The following TACR3 variants were observed in gnomAD, a reference collection of about 807,000 sequenced individuals.
TACR3 encodes the protein tachykinin receptor 3.
A neutral mutation model predicts 35.0 loss-of-function variants in TACR3; 34 were observed. That is an observed-to-expected ratio of 0.97 (90% CI 0.74 to 1.30). TACR3 has a LOEUF of 1.30. TACR3 is among the 50% of genes most tolerant of loss of function. The pLI, the probability that TACR3 is intolerant of heterozygous loss-of-function variation, is 0.00. For synonymous variants in TACR3, 233 were observed against 221.1 expected, an observed-to-expected ratio of 1.05 and a Z score of -0.48; for missense variants, 558 against 591.7, an observed-to-expected ratio of 0.94 and a Z score of 0.59.
At chr4:103,609,201 T>C (rs1459721031) in intron 3 of TACR3, among the ~76,000 whole-genome samples, 1 of 152,122 alleles carries the variant, frequency 6.6e-6, no homozygotes, top group Non-Finnish European at 1.5e-5. Context: ...TAGAAAAAGA[T>C]AGATATTTGT....
At chr4:103,649,189 C>T (rs1160041648) in intron 3 of TACR3, among the ~76,000 whole-genome samples, 1 of 151,988 alleles carries the variant, frequency 6.6e-6, no homozygotes, top group Non-Finnish European at 1.5e-5. Flanking sequence ...GTTATTAACT[C>T]CTTGTCAGAT....
intron 1 of TACR3, among the ~76,000 whole-genome samples, chr4:103,705,417 C>T (rs1033681871): frequency 6.6e-6 from 1 of 151,940 alleles, no homozygotes; most frequent in Non-Finnish European, 1.5e-5. Context: ...AGAGTGCATC[C>T]TTACTATGTT....
At chr4:103,684,302 A>G (rs560719045) in intron 1 of TACR3, among the ~76,000 whole-genome samples, 1 of 152,166 alleles carries the variant, frequency 6.6e-6, no homozygotes, top group Non-Finnish European at 1.5e-5. Context: ...AAGATTGTCT[A>G]TGTAGATGAT....
intron 3 of TACR3, among the ~76,000 whole-genome samples, chr4:103,627,053 G>A (rs979587939): frequency 1.3e-5 from 2 of 150,928 alleles, no homozygotes; most frequent in South Asian, 2.1e-4. Flanking sequence ...GTGGTGGCAG[G>A]CACCTGTAGT....
intron 3 of TACR3, among the ~76,000 whole-genome samples, chr4:103,635,310 G>A (rs1725161589): frequency 1.3e-5 from 2 of 151,762 alleles, no homozygotes; most frequent in African/African-American, 2.4e-5. Context: ...GGAATGAGGT[G>A]GAACAATGAC....
At chr4:103,633,594 A>G (rs1376435782) in intron 3 of TACR3, among the ~76,000 whole-genome samples, 3 of 151,962 alleles carry the variant, frequency 2.0e-5, no homozygotes, top group Non-Finnish European at 4.4e-5. Flanking sequence ...CCCAAAGTCC[A>G]CTGTACCATT....
intron 3 of TACR3, among the ~76,000 whole-genome samples, chr4:103,631,265 A>G (rs1052163188): frequency 1.3e-5 from 2 of 152,218 alleles, no homozygotes; most frequent in East Asian, 1.9e-4. Flanking sequence ...AACATGATAC[A>G]TGTATACCTG....
chr4:103,615,087 A>G (rs1040389540), intron 3 of TACR3, among the ~76,000 whole-genome samples: 1 of 151,514 alleles, frequency 6.6e-6, no homozygotes, highest in Non-Finnish European at 1.5e-5. Context: ...TAGTAGAGAC[A>G]GGGTTTCACT....
Position 103,631,092 on chromosome 4 carries a change from C to T in TACR3, c.888+25102G>A, listed in dbSNP as rs546730254. Reference sequence around the variant, plus strand: ...TATCACAAGGACCAAAAACCAAACACGGCATGTTCTCACTCATAGGTGGGA... The same window carrying T: ...TATCACAAGGACCAAAAACCAAACATGGCATGTTCTCACTCATAGGTGGGA... On this transcript the variant is annotated intron_variant, in intron 3 of 4. Coordinates refer to ENST00000304883, the MANE Select transcript of TACR3 (RefSeq NM_001059.3). Among the ~76,000 whole-genome samples, 11 of 152,210 alleles carry T rather than the reference C, an allele frequency of 7.2e-5. No individual in the cohort carries two copies. In the South Asian group the frequency reaches 2.1e-3, roughly 29 times the overall value.
chr4:103,710,746 A>T (rs1722928177), intron 1 of TACR3, among the ~76,000 whole-genome samples: 1 of 152,200 alleles, frequency 6.6e-6, no homozygotes, highest in African/African-American at 2.4e-5. Flanking sequence ...GACTGCTAGC[A>T]AGACTAATAA....
rs547559622 is a variant in TACR3, at chr4:103,588,411, A to C, written c.*1271T>G. Reference sequence around the variant, plus strand: ...GGCCTGGATGTTACTTTTTACACTTAAAAGTATTTCTTGTTATGTTATGAG... The same window carrying C: ...GGCCTGGATGTTACTTTTTACACTTCAAAGTATTTCTTGTTATGTTATGAG... On this transcript the variant is annotated 3_prime_UTR_variant, in exon 5 of 5. Coordinates refer to ENST00000304883, the MANE Select transcript of TACR3 (RefSeq NM_001059.3). 1.8e-4 allele frequency: 27 copies of C among 152,122 alleles called. No homozygotes were observed. Among genetic ancestry groups the C allele is most frequent in the Non-Finnish European group, 4.0e-4 (27 of 67,990 alleles). The allele number at this position is 152,122 out of a possible 1,614,324, so 9.4% of individuals were successfully genotyped here.
At chr4:103,646,193 C>T (rs1725451748) in intron 3 of TACR3, among the ~76,000 whole-genome samples, 1 of 152,030 alleles carries the variant, frequency 6.6e-6, no homozygotes, top group Non-Finnish European at 1.5e-5. Flanking sequence ...TCTTTATCAA[C>T]ACAAGCGGAG....
chr4:103,666,848 T>G (rs1273343676), intron 1 of TACR3, among the ~76,000 whole-genome samples: 1 of 152,192 alleles, frequency 6.6e-6, no homozygotes, highest in Non-Finnish European at 1.5e-5. Flanking sequence ...TCTTTTGAAG[T>G]CCAGTTTACT....
At chr4:103,612,448 C>G (rs1206429184) in intron 3 of TACR3, among the ~76,000 whole-genome samples, 2 of 151,874 alleles carry the variant, frequency 1.3e-5, no homozygotes, top group South Asian at 4.2e-4. Context: ...ATTTGTTACT[C>G]TCTTGTTTAT....
chr4:103,698,834 G>C (rs541032519), intron 1 of TACR3, among the ~76,000 whole-genome samples: 2 of 152,150 alleles, frequency 1.3e-5, no homozygotes, highest in South Asian at 2.1e-4. Flanking sequence ...CAAAGAAATT[G>C]AGTAATGAAT....
At chr4:103,631,181 G>A (rs1237047633) in intron 3 of TACR3, among the ~76,000 whole-genome samples, 5 of 152,114 alleles carry the variant, frequency 3.3e-5, no homozygotes, top group Admixed American at 1.3e-4. Context: ...CTGTCGGGGT[G>A]TGGGTGGCTG....
intron 3 of TACR3, among the ~76,000 whole-genome samples, chr4:103,639,092 A>G (rs1725281751): frequency 6.6e-6 from 1 of 152,126 alleles, no homozygotes; most frequent in Non-Finnish European, 1.5e-5. Context: ...ATTACTGGGT[A>G]TATACCCAAA....
chr4:103,649,340 T>C (rs2110324637), intron 3 of TACR3, among the ~76,000 whole-genome samples: 1 of 152,230 alleles, frequency 6.6e-6, no homozygotes, highest in African/African-American at 2.4e-5. Flanking sequence ...GCTTGTTGGG[T>C]ATTACTCAAG....
chr4:103,594,266 C>T (rs965660931), intron 3 of TACR3, among the ~76,000 whole-genome samples: 3 of 151,900 alleles, frequency 2.0e-5, no homozygotes, highest in Admixed American at 6.6e-5. Flanking sequence ...CAACCTCTGC[C>T]TCCCGGGTTC....
Sources: gnomAD v4.1 joint callset for allele counts (sites outside exome capture counted in the v4.1 genomes callset) on GRCh38, gnomAD v4.1.1 for gene constraint, MANE v1.5 for transcripts, NCBI Gene and HGNC (gene_info 2026-07-23, HGNC 2026-07-21) for gene names.